Variants in EIF4B observed in about 807,000 individuals in gnomAD.
EIF4B encodes eukaryotic translation initiation factor 4B.
Under a neutral mutation model 79.3 loss-of-function variants are expected in EIF4B, and 8 were observed. The observed-to-expected ratio is 0.10, with a 90% CI of 0.06 to 0.18. The LOEUF (loss-of-function observed/expected upper bound fraction) is 0.18. EIF4B is among the 10% of genes least tolerant of loss of function. The pLI, the probability that EIF4B is intolerant of heterozygous loss-of-function variation, is 1.00. For missense variants in EIF4B, 515 were observed against 792.4 expected, an observed-to-expected ratio of 0.65 and a Z score of 4.20; for synonymous variants, 238 against 274.7, an observed-to-expected ratio of 0.87 and a Z score of 1.32.
chr12:53,040,019 G>T, intron 14 of EIF4B, 124 bp from the exon 15 acceptor site: 1 of 1,097,522 alleles, frequency 9.1e-7, no homozygotes, highest in Non-Finnish European at 1.4e-6. Context: ...CAATGCTGAT[G>T]AGCAAGCAAG....
chr12:53,034,056 C>T lies in EIF4B; in HGVS notation c.1208+22C>T, dbSNP rs753670036. 6.9e-6 allele frequency: 11 copies of T among 1,587,554 alleles called. No individual in the cohort carries two copies. The East Asian group carries it at 2.5e-4, about 36-fold the overall frequency. ...AGAGGTGTGTTGTCTTGATGGATAT[C>T]CCATCTAGGAATCCGGTGGTTCGTA... On this transcript the variant is annotated intron_variant, in intron 9 of 14. Transcript: ENST00000262056.
Position 53,034,602 on chromosome 12 carries a change from T to C in EIF4B, c.1209-10T>C. ...AGGCATAATGTGTATTTTGTGAATC[T>C]CTCGTACAGACACCCAAGCTGGCGA... On this transcript the variant is annotated splice_polypyrimidine_tract_variant and intron_variant, in intron 9 of 14. Transcript: ENST00000262056. 1 of 1,613,916 alleles carries C rather than the reference T, an allele frequency of 6.2e-7. No individual in the cohort carries two copies. Among genetic ancestry groups the C allele is most frequent in the Non-Finnish European group, 8.5e-7 (1 of 1,179,864 alleles).
At chr12:53,029,137 T>C (rs549731034) in intron 8 of EIF4B, among the ~76,000 whole-genome samples, 101 of 151,746 alleles carry the variant, frequency 6.7e-4, no homozygotes, top group African/African-American at 2.2e-3. Context: ...AAAAAAGGAT[T>C]GCTTTCTGTA....
In EIF4B at chr12:53,018,812, C is replaced by T; in HGVS notation, c.166C>T (p.His56Tyr). Residue 56 changes from histidine to tyrosine, a missense_variant, in exon 3 of 15, where the codon CAC (histidine) becomes TAC (tyrosine). His to Tyr is a moderately conservative substitution (Grantham distance 83). Around this residue, in one of 6 missense-constraint regions of EIF4B, gnomAD observed 105 missense variants for 177.2 expected, o/e 0.59. Coordinates refer to ENST00000262056, the MANE Select transcript of EIF4B (RefSeq NM_001417.7). ...DLEGDVSTTWHSNDDDVYRAP... is the reference protein window; with the variant it reads ...DLEGDVSTTWYSNDDDVYRAP... ...CTCTATCCTAGTTTCGACCACTTGG[C>T]ACAGTAACGATGACGATGTGTATAG... The T allele has an allele frequency of 6.2e-7, 1 of 1,612,716 alleles. No homozygotes were observed. The highest frequency in any genetic ancestry group is 8.5e-7 in the Non-Finnish European group (1 of 1,179,856).
chr12:53,010,426 C>T (rs1943044506), intron 1 of EIF4B, among the ~76,000 whole-genome samples: 1 of 152,108 alleles, frequency 6.6e-6, no homozygotes, highest in African/African-American at 2.4e-5. Context: ...AGGGTTTATC[C>T]TGACAGTCTC....
chr12:53,010,387 G>A (rs954465044), intron 1 of EIF4B, among the ~76,000 whole-genome samples: 4 of 152,106 alleles, frequency 2.6e-5, no homozygotes, highest in South Asian at 2.1e-4. Flanking sequence ...GGGTTTATCC[G>A]GATAGTAAAT....
chr12:53,014,960 AAG>A (rs1943125312), intron 1 of EIF4B: 1 of 152,246 alleles, frequency 6.6e-6, no homozygotes, highest in Non-Finnish European at 1.5e-5. Flanking sequence ...ACCACAAAGA[AAG>A]AGCAGTGTCA....
rs147936190 is a variant in EIF4B, at chr12:53,020,638, T to C, written c.477+612T>C. On this transcript the variant is annotated intron_variant, in intron 4 of 14. Transcript: ENST00000262056. ...ACTCCAAAAACACCTTATTGTTTAT[T>C]GATAAGGCAATTTCTAGTGCCATTT... Among the ~76,000 whole-genome samples the C allele has an allele frequency of 5.7e-3, 869 of 152,298 alleles. 10 individuals carry two copies. Among genetic ancestry groups the C allele is most frequent in the African/African-American group, 0.02 (829 of 41,558 alleles).
chr12:53,010,609 A>G (rs1943048338), intron 1 of EIF4B, among the ~76,000 whole-genome samples: 1 of 152,038 alleles, frequency 6.6e-6, no homozygotes, highest in African/African-American at 2.4e-5. Context: ...GTTTAGGGAA[A>G]CATTTGTTAT....
At chr12:53,019,435 A>ATTTTTTT (rs759250282) in intron 3 of EIF4B, among the ~76,000 whole-genome samples, 4 of 39,466 alleles carry the variant, frequency 1.0e-4, no homozygotes, top group African/African-American at 1.3e-4. Context: ...ATATATATAT[A>ATTTTTTT]TATTTTTTTT....
chr12:53,032,020 G>C (rs577396693), intron 8 of EIF4B, among the ~76,000 whole-genome samples: 1 of 149,166 alleles, frequency 6.7e-6, no homozygotes, highest in Admixed American at 6.9e-5. Context: ...TCTTGAAAGT[G>C]TTCTGACAAC....
Position 53,018,899 on chromosome 12 carries a change from A to G in EIF4B, c.253A>G (p.Ile85Val). The G allele has an allele frequency of 1.9e-6, 3 of 1,613,904 alleles. No individual in the cohort carries two copies. The highest frequency in any genetic ancestry group is 8.5e-7 in the Non-Finnish European group (1 of 1,179,874). Residue 85 changes from isoleucine (I) to valine (V), a missense_variant, in exon 3 of 15, where the codon ATC (isoleucine) becomes GTC (valine). By Grantham distance (29) the Ile-to-Val change is conservative. Transcript: ENST00000262056. Reference protein sequence around the residue: ...TAPRAAREPNIDRSRLPKSPP... With the variant: ...TAPRAAREPNVDRSRLPKSPP... ...TCCACGGGCTGCTCGGGAACCCAATATCGACCGGAGCCGTCTTCCCAAATC... is the reference window on the plus strand; with the variant it reads ...TCCACGGGCTGCTCGGGAACCCAATGTCGACCGGAGCCGTCTTCCCAAATC...
intron 8 of EIF4B, among the ~76,000 whole-genome samples, chr12:53,032,201 G>A (rs1299762503): frequency 6.6e-6 from 1 of 152,118 alleles, no homozygotes; most frequent in Non-Finnish European, 1.5e-5. Context: ...CAGCACTTTG[G>A]GAAGCCAAGG....
intron 1 of EIF4B, among the ~76,000 whole-genome samples, chr12:53,015,918 C>T (rs1275100190): frequency 6.7e-6 from 1 of 148,192 alleles, no homozygotes; most frequent in Non-Finnish European, 1.5e-5. Context: ...GCAGGGGTTG[C>T]AGTGAGCCGA....
chr12:53,030,316 G>A (rs899099564), intron 8 of EIF4B, among the ~76,000 whole-genome samples: 1 of 147,088 alleles, frequency 6.8e-6, no homozygotes, highest in African/African-American at 2.5e-5. Flanking sequence ...GGAGGTCAAG[G>A]CTGCAGTTAG....
At chr12:53,019,222 G>A (rs932703370) in intron 3 of EIF4B, among the ~76,000 whole-genome samples, 6 of 151,864 alleles carry the variant, frequency 4.0e-5, no homozygotes, top group African/African-American at 1.5e-4. Context: ...AACGTGGTGA[G>A]ACCCTGTCTC....
chr12:53,026,509 GAAATT>G (rs1257278029), intron 6 of EIF4B, among the ~76,000 whole-genome samples: 3 of 152,156 alleles, frequency 2.0e-5, no homozygotes, highest in East Asian at 3.8e-4. Context: ...TGAATTTCAA[GAAATT>G]AAATTGTTGG....
intron 6 of EIF4B, 98 bp downstream of exon 6, chr12:53,022,725 TAGAA>T: frequency 1.4e-6 from 2 of 1,393,386 alleles, no homozygotes; most frequent in Non-Finnish European, 9.4e-7. Context: ...CATTAACAGA[TAGAA>T]GGAGGAAAGC....
chr12:53,018,755 G>A, intron 2 of EIF4B, 43 bp from the exon 3 acceptor site: 6 of 1,603,036 alleles, frequency 3.7e-6, no homozygotes, highest in Non-Finnish European at 5.1e-6. Flanking sequence ...ACAGTAGTGA[G>A]AGAAGTTTCT....
Sources: allele counts gnomAD v4.1 joint callset (sites outside exome capture counted in the v4.1 genomes callset), GRCh38; gene constraint gnomAD v4.1.1; regional missense constraint gnomAD v4.1.1; transcripts MANE v1.5; gene names NCBI Gene and HGNC (gene_info 2026-07-23, HGNC 2026-07-21).